The following SLC35E3 variants were observed in gnomAD, a reference collection of about 807,000 sequenced individuals.
SLC35E3 encodes solute carrier family 35 member E3.
SLC35E3 carries 28 observed loss-of-function variants against 30.8 expected under a neutral mutation model. The ratio of observed to expected loss-of-function variants is 0.91; its 90% CI spans 0.67 to 1.25. SLC35E3 has a LOEUF of 1.25. SLC35E3 is among the 50% of genes most tolerant of loss of function. SLC35E3 has a pLI of 0.00. For synonymous variants in SLC35E3, 146 were observed against 149.2 expected, an observed-to-expected ratio of 0.98 and a Z score of 0.16; for missense variants, 365 against 375.4, an observed-to-expected ratio of 0.97 and a Z score of 0.23.
chr12:68,752,699 C>T (rs1173345255), intron 3 of SLC35E3, among the ~76,000 whole-genome samples: 1 of 151,878 alleles, frequency 6.6e-6, no homozygotes, highest in Non-Finnish European at 1.5e-5. Flanking sequence ...AGGAAGACCT[C>T]ATCTCTACAA....
In SLC35E3 at chr12:68,766,028, T is replaced by C. The variant is rs1475947469; in HGVS notation, c.*1138T>C. The C allele has an allele frequency of 6.6e-6, 1 of 151,690 alleles. No individual in the cohort carries two copies. The highest frequency in any genetic ancestry group is 1.5e-5 in the Non-Finnish European group (1 of 67,920). 9.4% of individuals were successfully genotyped at this position (151,690 alleles called of 1,614,324 possible). Reference sequence around the variant, plus strand: ...AGCTTCCTGATTTATATAAATGAAATCTCATTTATAAAGTATAATAAAGAT... The same window carrying C: ...AGCTTCCTGATTTATATAAATGAAACCTCATTTATAAAGTATAATAAAGAT... On this transcript the variant is annotated 3_prime_UTR_variant, in exon 5 of 5. Transcript: ENST00000398004.
Position 68,759,180 on chromosome 12 carries a change from A to C in SLC35E3, c.696A>C (p.Val232=), listed in dbSNP as rs750225324. The C allele has an allele frequency of 1.9e-6, 3 of 1,613,122 alleles. No individual in the cohort carries two copies. The highest frequency in any genetic ancestry group is 1.1e-5 in the South Asian group (1 of 91,034). The change falls in exon 4 of 5, where the codon GTA becomes GTC. Residue 232 remains valine, a synonymous_variant. Transcript: ENST00000398004. The part of the protein sequence containing the change: ...SALLMVLLSG[V]IAFMVNLSIY... ...AGCTTATGGTGCTGCTATCTGGAGT[A>C]ATAGCTTTCATGGTGAACTTATCAA...
rs1240410441 is a variant in SLC35E3, at chr12:68,775,412, ACTT to A, written c.*10526_*10528del. 1 of 152,116 alleles carries A rather than the reference ACTT, an allele frequency of 6.6e-6. No individual in the cohort carries two copies. The highest frequency in any genetic ancestry group is 2.4e-5 in the African/African-American group (1 of 41,418). 9.4% of individuals were successfully genotyped at this position (152,116 alleles called of 1,614,324 possible). A position where few individuals can be genotyped will look rare whatever the true frequency, so the allele number is the denominator to read the frequency against. On this transcript the variant is annotated 3_prime_UTR_variant, in exon 5 of 5. Coordinates refer to ENST00000398004, the MANE Select transcript of SLC35E3 (RefSeq NM_018656.5). ...GTACAGGGTCCACATCTGGTGAGAG[ACTT>A]CTTGTTCCTGGGAACTCTCTGCAGA...
At chr12:68,758,529 G>A (rs935495005) in intron 3 of SLC35E3, among the ~76,000 whole-genome samples, 2 of 151,782 alleles carry the variant, frequency 1.3e-5, no homozygotes, top group African/African-American at 4.8e-5. Flanking sequence ...ATTGTCTGAT[G>A]TACAATAATA....
At chr12:68,751,776 G>C (rs1878803847) in intron 2 of SLC35E3, among the ~76,000 whole-genome samples, 1 of 152,094 alleles carries the variant, frequency 6.6e-6, no homozygotes, top group Non-Finnish European at 1.5e-5. Flanking sequence ...GGAAATAGAG[G>C]ACTTTTCTCC....
At chr12:68,747,284 T>C (rs1878623378) in intron 1 of SLC35E3, among the ~76,000 whole-genome samples, 1 of 152,092 alleles carries the variant, frequency 6.6e-6, no homozygotes, top group Non-Finnish European at 1.5e-5. Context: ...TTTTTTTCTT[T>C]TTGAGACGGA....
In SLC35E3 at chr12:68,765,564, G is replaced by A. The variant is rs1879371972; in HGVS notation, c.*674G>A. 1 of 151,566 alleles carries A rather than the reference G, an allele frequency of 6.6e-6. No individual in the cohort carries two copies. The highest frequency in any genetic ancestry group is 1.5e-5 in the Non-Finnish European group (1 of 68,032). 9.4% of individuals were successfully genotyped at this position (151,566 alleles called of 1,614,324 possible). A position where few individuals can be genotyped will look rare whatever the true frequency, so the allele number is the denominator to read the frequency against. ...ATCGTACCACTGCACTCCAGCCTGGGCGACAGAGCAAGACACTGTCTCTCT... is the reference window on the plus strand; with the variant it reads ...ATCGTACCACTGCACTCCAGCCTGGACGACAGAGCAAGACACTGTCTCTCT... On this transcript the variant is annotated 3_prime_UTR_variant, in exon 5 of 5. Transcript: ENST00000398004.
chr12:68,780,767 G>A lies in SLC35E3; in HGVS notation c.*15877G>A, dbSNP rs1879865144. 1 of 152,228 alleles carries A rather than the reference G, an allele frequency of 6.6e-6. No individual in the cohort carries two copies. The highest frequency in any genetic ancestry group is 2.4e-5 in the African/African-American group (1 of 41,430). The allele number at this position is 152,228 out of a possible 1,614,324, so 9.4% of individuals were successfully genotyped here. A position where few individuals can be genotyped will look rare whatever the true frequency, so the allele number is the denominator to read the frequency against. The stretch of plus-strand genomic sequence containing the variant: ...CTCCCAGTGTTGGGATTATAGGCAT[G>A]AGCCACCGCGCCCAGCTAGTCACGC... On this transcript the variant is annotated 3_prime_UTR_variant, in exon 5 of 5. Transcript: ENST00000398004.
intron 2 of SLC35E3, among the ~76,000 whole-genome samples, chr12:68,751,305 T>G (rs11177353): frequency 2.2e-4 from 26 of 118,326 alleles, no homozygotes; most frequent in African/African-American, 6.3e-4. Flanking sequence ...GTCTTTGTTT[T>G]TTTTTTTTTT....
In SLC35E3 at chr12:68,778,468, A is replaced by G. The variant is rs1879800865; in HGVS notation, c.*13578A>G. On this transcript the variant is annotated 3_prime_UTR_variant, in exon 5 of 5. Coordinates refer to ENST00000398004, the MANE Select transcript of SLC35E3 (RefSeq NM_018656.5). ...AGATCATATTATAAATAGTTGGAAG[A>G]TTTATTTTTTATTTTGTTTTTTAGA... is the stretch of plus-strand genomic sequence containing the variant. 6.6e-6 allele frequency: 1 copy of G among 152,138 alleles called. No homozygotes were observed. Among genetic ancestry groups the G allele is most frequent in the South Asian group, 2.1e-4 (1 of 4,824 alleles). 9.4% of individuals were successfully genotyped at this position (152,138 alleles called of 1,614,324 possible).
chr12:68,754,934 T>G (rs1878947840), intron 3 of SLC35E3, among the ~76,000 whole-genome samples: 1 of 152,180 alleles, frequency 6.6e-6, no homozygotes, highest in Non-Finnish European at 1.5e-5. Context: ...TTCAGGCTGC[T>G]ATAACAAAAC....
rs1879666082 is a variant in SLC35E3 at position 68,773,760 on chromosome 12, A to G, written c.*8870A>G. 6.6e-6 allele frequency: 1 copy of G among 152,128 alleles called. No individual in the cohort carries two copies. The highest frequency in any genetic ancestry group is 1.5e-5 in the Non-Finnish European group (1 of 68,008). 9.4% of individuals were successfully genotyped at this position (152,128 alleles called of 1,614,324 possible). A position where few individuals can be genotyped will look rare whatever the true frequency, so the allele number is the denominator to read the frequency against. ...TTCTTAGAGAATTATGGTGTGACTC[A>G]TTGACCATATTTGTTAGGATCAGCA... On this transcript the variant is annotated 3_prime_UTR_variant, in exon 5 of 5. Transcript: ENST00000398004.
Position 68,780,287 on chromosome 12 carries a change from GC to G in SLC35E3, c.*15399del, listed in dbSNP as rs1879849961. The G allele has an allele frequency of 6.6e-6, 1 of 151,970 alleles. No individual in the cohort carries two copies. Among genetic ancestry groups the G allele is most frequent in the Non-Finnish European group, 1.5e-5 (1 of 68,030 alleles). 9.4% of individuals were successfully genotyped at this position (151,970 alleles called of 1,614,324 possible). ...AGCCTCAAGTGATACTCCCGCCTCA[GC>G]CTCCCAAGTAGCTGGGACTACAGGC... On this transcript the variant is annotated 3_prime_UTR_variant, in exon 5 of 5. Coordinates refer to ENST00000398004, the MANE Select transcript of SLC35E3 (RefSeq NM_018656.5).
intron 3 of SLC35E3, among the ~76,000 whole-genome samples, chr12:68,753,729 C>G (rs1200911632): frequency 6.6e-6 from 1 of 151,904 alleles, no homozygotes; most frequent in African/African-American, 2.4e-5. Context: ...TCCATTACCC[C>G]CTAATCCGTG....
rs775554424 is a variant in SLC35E3, at chr12:68,780,099, T to A, written c.*15209T>A. ...ATATCTGGTTATCCCAAACCAGTTA[T>A]ATTTTTATTTAAATTTGCTCAAAAT... On this transcript the variant is annotated 3_prime_UTR_variant, in exon 5 of 5. Coordinates refer to ENST00000398004, the MANE Select transcript of SLC35E3 (RefSeq NM_018656.5). 6.6e-6 allele frequency: 1 copy of A among 152,226 alleles called. No homozygotes were observed. Among genetic ancestry groups the A allele is most frequent in the South Asian group, 2.1e-4 (1 of 4,830 alleles). 9.4% of individuals were successfully genotyped at this position (152,226 alleles called of 1,614,324 possible). A position where few individuals can be genotyped will look rare whatever the true frequency, so the allele number is the denominator to read the frequency against.
intron 3 of SLC35E3, among the ~76,000 whole-genome samples, chr12:68,755,505 C>T (rs946216457): frequency 6.6e-6 from 1 of 152,020 alleles, no homozygotes; most frequent in African/African-American, 2.4e-5. Flanking sequence ...TGTATTAGTC[C>T]ATTTTATGAT....
At chr12:68,750,243 T>C (rs912736596) in intron 2 of SLC35E3, among the ~76,000 whole-genome samples, 2 of 152,174 alleles carry the variant, frequency 1.3e-5, no homozygotes, top group African/African-American at 2.4e-5. Flanking sequence ...AAGGCACCAG[T>C]TGATTTTAAA....
chr12:68,749,074 T>G (rs1878698049), intron 2 of SLC35E3, among the ~76,000 whole-genome samples: 1 of 152,226 alleles, frequency 6.6e-6, no homozygotes, highest in African/African-American at 2.4e-5. Context: ...TATAGGCAAT[T>G]TATTAAACAG....
chr12:68,746,755 C>T lies in SLC35E3; in HGVS notation c.378C>T (p.Phe126=), dbSNP rs369814451. 71 of 1,594,308 alleles carry T rather than the reference C, an allele frequency of 4.5e-5. No individual in the cohort carries two copies. The highest frequency in any genetic ancestry group is 5.5e-5 in the Non-Finnish European group (64 of 1,167,524). The change falls in exon 1 of 5, where the codon TTC becomes TTT. Residue 126 remains phenylalanine (F), a synonymous_variant. Transcript: ENST00000398004. ...AIQTFCYQKT[F]STRIQLTLIP... ...AGACCTTCTGCTACCAGAAAACCTT[C>T]TCCACCAGAATCCAGCTCACGCTGG...
Sources: gnomAD v4.1 joint callset for allele counts (sites outside exome capture counted in the v4.1 genomes callset) on GRCh38, gnomAD v4.1.1 for gene constraint, MANE v1.5 for transcripts, NCBI Gene and HGNC (gene_info 2026-07-23, HGNC 2026-07-21) for gene names.